Variants in DYNC1LI1 observed in about 807,000 individuals in gnomAD.
DYNC1LI1 encodes the protein dynein cytoplasmic 1 light intermediate chain 1.
In DYNC1LI1, 19 loss-of-function variants were observed where a neutral mutation model predicts 63.8. That is an observed-to-expected ratio of 0.30 (90% CI 0.21 to 0.44). DYNC1LI1 has a LOEUF of 0.44. DYNC1LI1 is among the 20% of genes least tolerant of loss of function. The probability of loss-of-function intolerance (pLI) is 1.00; values close to 1 mark genes in which losing one functional copy is unlikely to be tolerated. For synonymous variants in DYNC1LI1, 225 were observed against 232.3 expected (o/e 0.97, Z 0.28); for missense variants, 565 against 630.2 (o/e 0.90, Z 1.11).
At chr3:32,554,888 GAGAC>G (rs1313693769) in intron 2 of DYNC1LI1, among the ~76,000 whole-genome samples, 2 of 22,320 alleles carry the variant, frequency 9.0e-5, no homozygotes, top group African/African-American at 4.1e-4. Context: ...TTTTTTTTTT[GAGAC>G]AGACTCTCAC....
chr3:32,541,244 A>G (rs368821504), intron 4 of DYNC1LI1, 38 bp from the exon 5 acceptor site: 32 of 1,394,276 alleles, frequency 2.3e-5, no homozygotes, highest in Non-Finnish European at 3.0e-5. Flanking sequence ...AAATTGCTTC[A>G]TTTCAGCAGG....
At chr3:32,562,993 C>T (rs1344109607) in intron 2 of DYNC1LI1, among the ~76,000 whole-genome samples, 1 of 152,036 alleles carries the variant, frequency 6.6e-6, no homozygotes, top group Non-Finnish European at 1.5e-5. Flanking sequence ...CCACCTCATC[C>T]GCAAAATATT....
At chr3:32,555,764 G>A (rs1698106483) in intron 2 of DYNC1LI1, among the ~76,000 whole-genome samples, 1 of 152,156 alleles carries the variant, frequency 6.6e-6, no homozygotes, top group Admixed American at 6.6e-5. Context: ...GAAGTATTTA[G>A]AGGAAAAGTG....
intron 5 of DYNC1LI1, 64 bp downstream of exon 5, chr3:32,540,972 GA>G (rs1362488110): frequency 7.5e-7 from 1 of 1,337,692 alleles, no homozygotes; most frequent in Non-Finnish European, 1.0e-6. Context: ...AAAAAACCTG[GA>G]AAACAAAACA....
chr3:32,529,994 C>T (rs149041797), intron 10 of DYNC1LI1, among the ~76,000 whole-genome samples: 1 of 152,174 alleles, frequency 6.6e-6, no homozygotes, highest in Non-Finnish European at 1.5e-5. Flanking sequence ...GCCACAACGT[C>T]CTCCCTAAGG....
chr3:32,554,979 C>T (rs2125442369), intron 2 of DYNC1LI1, among the ~76,000 whole-genome samples: 1 of 148,964 alleles, frequency 6.7e-6, no homozygotes, highest in East Asian at 2.0e-4. Flanking sequence ...AAGTGATTCT[C>T]CTGCCTCAGA....
intron 5 of DYNC1LI1, 56 bp from the exon 6 acceptor site, chr3:32,537,160 A>T: frequency 2.0e-6 from 2 of 1,016,944 alleles, no homozygotes; most frequent in Non-Finnish European, 2.8e-6. Context: ...AACTAAATAT[A>T]GTAATTTAAA....
At chr3:32,538,017 AT>A (rs1227838632) in intron 5 of DYNC1LI1, among the ~76,000 whole-genome samples, 1 of 27,224 alleles carries the variant, frequency 3.7e-5, no homozygotes. Flanking sequence ...TAATATATAT[AT>A]ATAATTTATA....
At chr3:32,556,394 A>G (rs1698115598) in intron 2 of DYNC1LI1, among the ~76,000 whole-genome samples, 1 of 152,190 alleles carries the variant, frequency 6.6e-6, no homozygotes. Context: ...TTCAACGAAT[A>G]CTCTTCAGGC....
chr3:32,540,548 G>A lies in DYNC1LI1; in HGVS notation c.738+489C>T, dbSNP rs796547339. 5.3e-5 allele frequency among the ~76,000 whole-genome samples: 8 copies of A among 151,884 alleles called. No individual in the cohort carries two copies. In the East Asian group the frequency reaches 1.2e-3, roughly 22 times the overall value. On this transcript the variant is annotated intron_variant, in intron 5 of 12. Coordinates refer to ENST00000273130, the MANE Select transcript of DYNC1LI1 (RefSeq NM_016141.4). ...TACAAAAAATTAGGTGGGAGTGGTG[G>A]TGGGTGCCTGTAATCCCAGCTACTA... is the stretch of plus-strand genomic sequence containing the variant.
intron 5 of DYNC1LI1, among the ~76,000 whole-genome samples, chr3:32,538,905 T>C (rs1697839749): frequency 1.3e-5 from 2 of 152,164 alleles, no homozygotes; most frequent in African/African-American, 4.8e-5. Flanking sequence ...TAAACTGAAA[T>C]ACATCTGATA....
rs193226468 is a variant in DYNC1LI1 at position 32,560,327 on chromosome 3, A to G, written c.220+10019T>C. Among the ~76,000 whole-genome samples the G allele has an allele frequency of 6.4e-3, 971 of 152,206 alleles. 7 individuals carry two copies. The highest frequency in any genetic ancestry group is 0.022 in the African/African-American group (922 of 41,534). On this transcript the variant is annotated intron_variant, in intron 2 of 12. Transcript: ENST00000273130. ...GCACGCCTGTAGTCCCAGCTGCTCCAGAGGCTGAGGCAGGAGAATCACTTG... is the reference window on the plus strand; with the variant it reads ...GCACGCCTGTAGTCCCAGCTGCTCCGGAGGCTGAGGCAGGAGAATCACTTG...
chr3:32,532,948 A>G (rs757281876), intron 8 of DYNC1LI1, 38 bp downstream of exon 8: 2 of 1,533,730 alleles, frequency 1.3e-6, no homozygotes, highest in Non-Finnish European at 1.7e-6. Flanking sequence ...AGGTTAGTCT[A>G]AAGTCTAAAT....
intron 2 of DYNC1LI1, among the ~76,000 whole-genome samples, chr3:32,549,617 A>G (rs1169422707): frequency 2.0e-5 from 3 of 152,196 alleles, no homozygotes; most frequent in Non-Finnish European, 4.4e-5. Flanking sequence ...TTTGTAAAGC[A>G]TACACAGATC....
At chr3:32,551,176 T>C (rs1698033045) in intron 2 of DYNC1LI1, among the ~76,000 whole-genome samples, 1 of 152,128 alleles carries the variant, frequency 6.6e-6, no homozygotes, top group South Asian at 2.1e-4. Flanking sequence ...ACCAGAGATA[T>C]GCAACAAATC....
intron 2 of DYNC1LI1, among the ~76,000 whole-genome samples, chr3:32,557,320 A>T (rs756694941): frequency 5.3e-5 from 8 of 152,128 alleles, no homozygotes; most frequent in Non-Finnish European, 1.0e-4. Context: ...GTTTGAGACC[A>T]GCCTGGCCAA....
At chr3:32,549,179 A>C (rs1272588187) in intron 2 of DYNC1LI1, among the ~76,000 whole-genome samples, 1 of 151,996 alleles carries the variant, frequency 6.6e-6, no homozygotes, top group Non-Finnish European at 1.5e-5. Context: ...CATTTAATTT[A>C]TAAGTACTTA....
At chr3:32,529,303 T>C (rs1321777409) in intron 11 of DYNC1LI1, among the ~76,000 whole-genome samples, 1 of 152,166 alleles carries the variant, frequency 6.6e-6, no homozygotes, top group Non-Finnish European at 1.5e-5. Flanking sequence ...TCTTCAATGA[T>C]CTACCAGGAA....
intron 6 of DYNC1LI1, among the ~76,000 whole-genome samples, chr3:32,535,073 C>T (rs938553093): frequency 1.3e-5 from 2 of 152,118 alleles, no homozygotes; most frequent in Non-Finnish European, 2.9e-5. Context: ...GTAGTTTTTA[C>T]AAAACCCAGG....
Sources: allele counts gnomAD v4.1 joint callset (sites outside exome capture counted in the v4.1 genomes callset), GRCh38; gene constraint gnomAD v4.1.1; transcripts MANE v1.5; gene names NCBI Gene and HGNC (gene_info 2026-07-23, HGNC 2026-07-21).